Variants in RBFOX1 observed in about 807,000 individuals in gnomAD.
The protein encoded by RBFOX1 is RNA binding protein fox-1 homolog 1.
RBFOX1 carries 8 observed loss-of-function variants against 57.7 expected under a neutral mutation model. The ratio of observed to expected loss-of-function variants is 0.14; its 90% confidence interval spans 0.08 to 0.25. The LOEUF (loss-of-function observed/expected upper bound fraction) is 0.25, where lower values mean the gene tolerates loss of function less well. RBFOX1 is among the 10% of genes least tolerant of loss of function. The probability of loss-of-function intolerance (pLI) is 1.00; values close to 1 mark genes in which losing one functional copy is unlikely to be tolerated. For synonymous variants in RBFOX1, 326 were observed against 222.4 expected (o/e 1.47, Z -4.15); for missense variants, 611 against 548.5 (o/e 1.11, Z -1.14).
At chr16:7,368,672 C>T (rs2097510142) in intron 4 of RBFOX1, among the ~76,000 whole-genome samples, 1 of 150,834 alleles carries the variant, frequency 6.6e-6, no homozygotes, top group African/African-American at 2.4e-5. Context: ...CCCAGCTACT[C>T]AGGAGGCTGA....
At chr16:7,382,691 G>C (rs1215079546) in intron 4 of RBFOX1, among the ~76,000 whole-genome samples, 1 of 152,192 alleles carries the variant, frequency 6.6e-6, no homozygotes, top group Non-Finnish European at 1.5e-5. Context: ...TCTAACAGAG[G>C]ATAGTCACCT....
intron 3 of RBFOX1, among the ~76,000 whole-genome samples, chr16:6,915,550 CTT>C (rs141753685): frequency 0.58 from 71,832 of 123,398 alleles, 19,487 homozygotes; most frequent in Non-Finnish European, 0.64. Context: ...CCACACCCCC[CTT>C]TTTTTTTTTT....
intron 1 of RBFOX1, among the ~76,000 whole-genome samples, chr16:5,338,483 C>T (rs1257904382): frequency 2.0e-5 from 3 of 152,136 alleles, no homozygotes; most frequent in East Asian, 1.9e-4. Context: ...AAACTAGGGC[C>T]GTCTGAAGAC....
At chr16:6,234,335 T>C (rs556313194) in intron 1 of RBFOX1, among the ~76,000 whole-genome samples, 96 of 152,326 alleles carry the variant, frequency 6.3e-4, no homozygotes, top group African/African-American at 2.2e-3. Context: ...TTTAGTTCAG[T>C]TGTAAATTTA....
chr16:5,605,090 G>T (rs1036325216), downstream of RBFOX1, among the ~76,000 whole-genome samples: 1 of 152,204 alleles, frequency 6.6e-6, no homozygotes, highest in Non-Finnish European at 1.5e-5. Context: ...GCCAGTTTGA[G>T]GCAGGTTTGC....
intron 4 of RBFOX1, among the ~76,000 whole-genome samples, chr16:7,107,496 A>G (rs1438116870): frequency 6.6e-6 from 1 of 152,114 alleles, no homozygotes. Context: ...GGAAGGATTA[A>G]CTGTACATAT....
At chr16:7,573,957 G>A (rs1425919649) in intron 5 of RBFOX1, among the ~76,000 whole-genome samples, 3 of 152,114 alleles carry the variant, frequency 2.0e-5, no homozygotes, top group East Asian at 1.9e-4. Context: ...CTTCAGGAAT[G>A]TGCATTCTAG....
intron 3 of RBFOX1, among the ~76,000 whole-genome samples, chr16:6,755,244 G>C (rs1455882775): frequency 6.6e-6 from 1 of 152,156 alleles, no homozygotes; most frequent in African/African-American, 2.4e-5. Context: ...TGGGTCAAAT[G>C]GTATTTCTAG....
chr16:5,278,272 T>G (rs888843363), intron 1 of RBFOX1, among the ~76,000 whole-genome samples: 5 of 152,248 alleles, frequency 3.3e-5, no homozygotes, highest in African/African-American at 1.2e-4. Flanking sequence ...TTGAATATTT[T>G]TTCATAAACT....
chr16:7,265,020 C>T (rs1041151103), intron 4 of RBFOX1, among the ~76,000 whole-genome samples: 1 of 152,236 alleles, frequency 6.6e-6, no homozygotes, highest in Admixed American at 6.5e-5. Flanking sequence ...AGGCTCTGGA[C>T]TTCAAAGCAG....
At chr16:5,514,247 T>C (rs1178286074) in intron 2 of RBFOX1, among the ~76,000 whole-genome samples, 1 of 152,150 alleles carries the variant, frequency 6.6e-6, no homozygotes, top group Admixed American at 6.5e-5. Context: ...TGACCGTGGA[T>C]GGGTTCAGCT....
chr16:7,445,131 G>T lies in RBFOX1; in HGVS notation c.28-73016G>T, dbSNP rs1190708155. On this transcript the variant is annotated intron_variant, in intron 4 of 15. Transcript: ENST00000550418. ...GTGCTGATGAGGAATGTGGTACAGG[G>T]TGGGGATAGTCCCTTTTAAAGGGCT... Among the ~76,000 whole-genome samples, 17 of 152,038 alleles carry T rather than the reference G, an allele frequency of 1.1e-4. 2 individuals are homozygous for T. Among genetic ancestry groups the T allele is most frequent in the Admixed American group, 1.1e-3 (17 of 15,256 alleles).
At chr16:6,920,823 C>A (rs1180767650) in intron 3 of RBFOX1, among the ~76,000 whole-genome samples, 1 of 152,172 alleles carries the variant, frequency 6.6e-6, no homozygotes, top group Non-Finnish European at 1.5e-5. Flanking sequence ...AGGATGATTC[C>A]ATCTTGAGAT....
intron 1 of RBFOX1, among the ~76,000 whole-genome samples, chr16:6,128,855 T>C (rs1338732666): frequency 6.6e-6 from 1 of 152,192 alleles, no homozygotes; most frequent in Non-Finnish European, 1.5e-5. Context: ...TGCAACACCT[T>C]GTGCAATCAA....
At chr16:5,835,244 G>A (rs2056421419) in intron 3 of RBFOX1, among the ~76,000 whole-genome samples, 1 of 152,166 alleles carries the variant, frequency 6.6e-6, no homozygotes, top group Non-Finnish European at 1.5e-5. Context: ...ATGAGCACGT[G>A]ACAATACTCG....
intron 2 of RBFOX1, among the ~76,000 whole-genome samples, chr16:6,542,013 C>G (rs1203140709): frequency 2.0e-5 from 3 of 151,698 alleles, no homozygotes; most frequent in African/African-American, 4.8e-5. Flanking sequence ...GTAGAATGAT[C>G]ATAGCTCACT....
chr16:7,694,291 A>G (rs969027534), intron 14 of RBFOX1, among the ~76,000 whole-genome samples: 5 of 152,198 alleles, frequency 3.3e-5, no homozygotes, highest in African/African-American at 9.7e-5. Flanking sequence ...AACCTTACAA[A>G]TAAACACTCA....
intron 4 of RBFOX1, among the ~76,000 whole-genome samples, chr16:7,223,757 G>T (rs1247879088): frequency 6.6e-6 from 1 of 151,348 alleles, no homozygotes; most frequent in African/African-American, 2.4e-5. Flanking sequence ...AAGGCAGGTG[G>T]ATTTCTGGCA....
At chr16:6,749,808 G>A (rs1355258667) in intron 3 of RBFOX1, among the ~76,000 whole-genome samples, 2 of 152,190 alleles carry the variant, frequency 1.3e-5, no homozygotes, top group East Asian at 1.9e-4. Flanking sequence ...AGAATGCGAT[G>A]TAAAATGTTT....
Sources: gnomAD v4.1 joint callset for allele counts (sites outside exome capture counted in the v4.1 genomes callset) on GRCh38, gnomAD v4.1.1 for gene constraint, MANE v1.5 for transcripts, NCBI Gene and HGNC (gene_info 2026-07-23, HGNC 2026-07-21) for gene names.